The following CECR2 variants were observed in gnomAD, a reference collection of about 807,000 sequenced individuals.
The protein encoded by CECR2 is chromatin remodeling regulator CECR2.
In CECR2, 30 loss-of-function variants were observed where a neutral mutation model predicts 154.5. That is an observed-to-expected ratio of 0.19 (90% CI 0.15 to 0.26). The LOEUF is 0.26. Ranked by LOEUF, CECR2 falls within the 10% of genes least tolerant of loss-of-function variation. The probability of loss-of-function intolerance (pLI) is 1.00; values close to 1 mark genes in which losing one functional copy is unlikely to be tolerated. For synonymous variants in CECR2, 725 were observed against 683.7 expected (o/e 1.06, Z -0.94); for missense variants, 1,743 against 1,829.3 (o/e 0.95, Z 0.86).
intron 2 of CECR2, among the ~76,000 whole-genome samples, chr22:17,490,817 C>G (rs1486355353): frequency 6.6e-6 from 1 of 152,058 alleles, no homozygotes; most frequent in Non-Finnish European, 1.5e-5. Context: ...CAACCATCAC[C>G]ACTATCTAAT....
At chr22:17,431,573 T>A (rs1484136053) in intron 1 of CECR2, among the ~76,000 whole-genome samples, 2 of 152,342 alleles carry the variant, frequency 1.3e-5, no homozygotes, top group East Asian at 3.9e-4. Context: ...TACCAGCAGT[T>A]CCTTGCTTTT....
chr22:17,547,585 G>C (rs548644124), intron 16 of CECR2, among the ~76,000 whole-genome samples: 30 of 152,182 alleles, frequency 2.0e-4, no homozygotes, highest in Admixed American at 7.2e-4. Context: ...AAGACATGCA[G>C]ACAAAATGAA....
chr22:17,534,494 G>T (rs1185303735), intron 9 of CECR2, among the ~76,000 whole-genome samples: 16 of 151,776 alleles, frequency 1.1e-4, no homozygotes, highest in Non-Finnish European at 2.2e-4. Flanking sequence ...TGACATATTT[G>T]ATTACTTTAT....
intron 2 of CECR2, among the ~76,000 whole-genome samples, chr22:17,481,159 C>T (rs1373186397): frequency 1.4e-4 from 20 of 146,866 alleles, no homozygotes; most frequent in African/African-American, 4.8e-4. Flanking sequence ...CTGGCTAACA[C>T]GGTGAAACCC....
chr22:17,381,940 T>A (rs558343922), intron 1 of CECR2, among the ~76,000 whole-genome samples: 6 of 151,352 alleles, frequency 4.0e-5, no homozygotes, highest in South Asian at 4.2e-4. Context: ...CAGGCTGGAG[T>A]GCAGTGGCAC....
intron 1 of CECR2, among the ~76,000 whole-genome samples, chr22:17,464,860 C>T (rs529737466): frequency 6.6e-6 from 1 of 152,224 alleles, no homozygotes; most frequent in South Asian, 2.1e-4. Flanking sequence ...GTCAGCCTCT[C>T]TATTAAGTTT....
chr22:17,516,533 A>G lies in CECR2; in HGVS notation c.954+4637A>G, dbSNP rs937837340. Among the ~76,000 whole-genome samples the G allele has an allele frequency of 2.6e-5, 4 of 152,112 alleles. No individual in the cohort carries two copies. In the East Asian group the frequency reaches 7.7e-4, roughly 29 times the overall value. ...AGAGGGGCCTGGTAGGAGGTGATGA[A>G]TCATGGGATGGACTTCCCCCTTGCT... On this transcript the variant is annotated intron_variant, in intron 8 of 18. Coordinates refer to ENST00000262608, the MANE Select transcript of CECR2 (RefSeq NM_001290047.2).
chr22:17,535,765 T>C (rs1044436884), intron 9 of CECR2, among the ~76,000 whole-genome samples: 3 of 152,142 alleles, frequency 2.0e-5, no homozygotes, highest in Non-Finnish European at 4.4e-5. Flanking sequence ...TTAAAATTTT[T>C]CTTAAAATTT....
At chr22:17,537,040 A>G in intron 9 of CECR2, 63 bp from the exon 10 acceptor site, 1 of 1,581,766 alleles carries the variant, frequency 6.3e-7, no homozygotes, top group East Asian at 2.3e-5. Context: ...ACAGTGATGA[A>G]GGAACACGCC....
intron 1 of CECR2, among the ~76,000 whole-genome samples, chr22:17,458,188 G>A (rs532859269): frequency 1.3e-5 from 2 of 152,178 alleles, no homozygotes; most frequent in Admixed American, 6.5e-5. Context: ...AGGCTGAGGC[G>A]GGTGGATCAC....
At chr22:17,471,783 C>T (rs952443785) in intron 1 of CECR2, among the ~76,000 whole-genome samples, 20 of 152,274 alleles carry the variant, frequency 1.3e-4, no homozygotes, top group Non-Finnish European at 2.5e-4. Context: ...GATCCACCTG[C>T]CTCAGCCTCC....
rs764385664 is a variant in CECR2, at chr22:17,542,485, C to T, written c.2342C>T (p.Thr781Met). The change falls in exon 16 of 19, where the codon ACG becomes ATG. Residue 781 changes from threonine (T) to methionine (M), a missense_variant. By Grantham distance (81) the Thr-to-Met change is moderately conservative. Around this residue, in one of 4 missense-constraint regions of CECR2, gnomAD observed 1,250 missense variants for 1,192.1 expected, o/e 1.05. Coordinates refer to ENST00000262608, the MANE Select transcript of CECR2 (RefSeq NM_001290047.2). The stretch of plus-strand genomic sequence containing the variant: ...GTCTGGAATGGGAACCATGGTGCTA[C>T]GAACCAAGGACCCTTGGGCCCAGAT... ...SAVWNGNHGA[T>M]NQGPLGPDEK... 10 of 1,613,836 alleles carry T rather than the reference C, an allele frequency of 6.2e-6. No individual in the cohort carries two copies. Among genetic ancestry groups the T allele is most frequent in the African/African-American group, 4.0e-5 (3 of 74,928 alleles).
intron 1 of CECR2, among the ~76,000 whole-genome samples, chr22:17,380,295 C>T (rs187985179): frequency 3.3e-5 from 5 of 152,202 alleles, no homozygotes; most frequent in Admixed American, 2.0e-4. Flanking sequence ...TTTTGTACTT[C>T]GTTAGCCATA....
intron 1 of CECR2, among the ~76,000 whole-genome samples, chr22:17,399,959 GT>G (rs2053867674): frequency 1.3e-5 from 2 of 152,104 alleles, no homozygotes; most frequent in South Asian, 4.2e-4. Context: ...ACATGATATG[GT>G]TTTTCATTAT....
At chr22:17,455,467 G>C (rs141374348) in intron 1 of CECR2, among the ~76,000 whole-genome samples, 1 of 152,050 alleles carries the variant, frequency 6.6e-6, no homozygotes, top group African/African-American at 2.4e-5. Context: ...CATATTGATC[G>C]TTCATCTTTT....
chr22:17,507,912 A>C (rs2055875534), intron 7 of CECR2, among the ~76,000 whole-genome samples: 1 of 152,234 alleles, frequency 6.6e-6, no homozygotes. Flanking sequence ...GAGTTCTCAC[A>C]GAAGGATCGA....
At chr22:17,445,504 T>C (rs971428058) in intron 1 of CECR2, among the ~76,000 whole-genome samples, 1 of 151,456 alleles carries the variant, frequency 6.6e-6, no homozygotes, top group African/African-American at 2.4e-5. Context: ...TAAAATGGTA[T>C]AGTATTTACA....
At chr22:17,484,559 A>G (rs2055386963) in intron 2 of CECR2, among the ~76,000 whole-genome samples, 1 of 152,162 alleles carries the variant, frequency 6.6e-6, no homozygotes, top group Non-Finnish European at 1.5e-5. Flanking sequence ...AAAAAATATA[A>G]AAACCATTAT....
intron 16 of CECR2, among the ~76,000 whole-genome samples, chr22:17,547,830 C>T (rs2146135711): frequency 6.6e-6 from 1 of 152,226 alleles, no homozygotes; most frequent in East Asian, 1.9e-4. Context: ...GTGCATCTGC[C>T]TAGAGTCCGT....
Sources: gnomAD v4.1 joint callset for allele counts (sites outside exome capture counted in the v4.1 genomes callset) on GRCh38, gnomAD v4.1.1 for gene constraint, gnomAD v4.1.1 regional missense constraint, MANE v1.5 for transcripts, NCBI Gene and HGNC (gene_info 2026-07-23, HGNC 2026-07-21) for gene names.